The following TTN variants were observed in gnomAD, a reference collection of about 807,000 sequenced individuals.
The protein encoded by TTN is titin.
In TTN, 1,525 loss-of-function variants were observed where a neutral mutation model predicts 3,223.0. The ratio of observed to expected loss-of-function variants is 0.47; its 90% CI spans 0.45 to 0.49. TTN has a LOEUF of 0.49. Ranked by LOEUF, TTN falls within the 20% of genes least tolerant of loss-of-function variation. TTN has a pLI of 0.00. For synonymous variants in TTN, 14,094 were observed against 15,161.0 expected (o/e 0.93, Z 5.17); for missense variants, 40,786 against 43,424.0 (o/e 0.94, Z 5.40).
intron 38 of TTN, 35 bp downstream of exon 38, chr2:178,768,638 T>C (rs1408907138): frequency 1.2e-6 from 2 of 1,613,534 alleles, no homozygotes; most frequent in African/African-American, 2.7e-5. Flanking sequence ...ATGTATGACA[T>C]TTTTTCTATG....
intron 359 of TTN, among the ~76,000 whole-genome samples, chr2:178,529,495 G>T (rs1474283857): frequency 6.6e-6 from 1 of 152,192 alleles, no homozygotes; most frequent in Non-Finnish European, 1.5e-5. Flanking sequence ...GGATTTAGGA[G>T]ATAAGTGGAT....
Position 178,560,144 on chromosome 2 carries a change from G to A in TTN, c.85988C>T (p.Ser28663Leu). ...GGCAATAGTTATAGTTGTCTTGCCT[G>A]AGTCCACAATTTTGGGTTTGGATGG... ...SPPSKPKIVDSGKTTITIAWV... is the reference protein window; with the variant it reads ...SPPSKPKIVDLGKTTITIAWV... The change falls in exon 326 of 363, where the codon TCA becomes TTA. Residue 28663 changes from serine to leucine, a missense_variant. Transcript: ENST00000589042. The A allele has an allele frequency of 6.2e-7, 1 of 1,613,662 alleles. No individual in the cohort carries two copies. Among genetic ancestry groups the A allele is most frequent in the Non-Finnish European group, 8.5e-7 (1 of 1,179,700 alleles).
rs878986945 is a variant in TTN, at chr2:178,710,785, G to A, written c.28312C>T (p.Arg9438Ter). ...CTAATCTGGTACTTTCCGCCACTTC[G>A]TATTTCTCTGCTGTCTTTGGCCCAG... ...VSWAKDSREIRSGGKYQISYL... is the reference protein window; with the variant it reads ...VSWAKDSREI The change falls in exon 98 of 363, where the codon CGA becomes TGA. Residue 9438 changes from arginine to a stop codon, truncating the protein, a stop_gained. Transcript: ENST00000589042. LOFTEE classifies it high-confidence loss of function. 1.9e-6 allele frequency: 3 copies of A among 1,613,774 alleles called. No individual in the cohort carries two copies. Among genetic ancestry groups the A allele is most frequent in the East Asian group, 2.2e-5 (1 of 44,888 alleles).
rs958237286 is a variant in TTN at position 178,598,008 on chromosome 2, C to T, written c.57162G>A (p.Lys19054=). 1.2e-6 allele frequency: 2 copies of T among 1,613,278 alleles called. No homozygotes were observed. The highest frequency in any genetic ancestry group is 2.7e-5 in the African/African-American group (2 of 74,904). Residue 19054 remains lysine, a synonymous_variant, in exon 293 of 363, where the codon AAG becomes AAA. Transcript: ENST00000589042. The part of the protein sequence containing the change: ...RGTKLVVTGL[K]EGAFYKFRVR... ...CTCTAAATTTGTAGAATGCTCCTTC[C>T]TTTAATCCTGTCACAACAAGCTTTG...
chr2:178,569,090 T>G lies in TTN; in HGVS notation c.77042A>C (p.Tyr25681Ser). The G allele has an allele frequency of 1.2e-6, 2 of 1,613,448 alleles. No individual in the cohort carries two copies. Among genetic ancestry groups the G allele is most frequent in the Non-Finnish European group, 1.7e-6 (2 of 1,179,554 alleles). The part of the protein sequence containing the change: ...YYFRVTAENE[Y>S]GIGLPAQTAD... ...AGTCTGGGCAGGAAGGCCAATACCATACTCATTCTCAGCTGTGACTCTAAA... is the reference window on the plus strand; with the variant it reads ...AGTCTGGGCAGGAAGGCCAATACCAGACTCATTCTCAGCTGTGACTCTAAA... The change falls in exon 326 of 363, where the codon TAT (tyrosine) becomes TCT (serine). Residue 25681 changes from tyrosine to serine, a missense_variant. Physicochemically the swap from Tyr to Ser is moderately radical, Grantham distance 144. Transcript: ENST00000589042.
In TTN at chr2:178,617,135, C is replaced by T. The variant is rs377037421; in HGVS notation, c.47860G>A (p.Ala15954Thr). The change falls in exon 255 of 363, where the codon GCT becomes ACT. Residue 15954 changes from alanine (A) to threonine (T), a missense_variant. Ala to Thr is a moderately conservative substitution (Grantham distance 58). Coordinates refer to ENST00000589042, the MANE Select transcript of TTN (RefSeq NM_001267550.2). The part of the protein sequence containing the change: ...DPSEILGPLT[A>T]DDAFVEPTMD... ...ATCTATTTACCAAATGCATCGTCAG[C>T]GGTGAGAGGACCAAGAATTTCAGAT... 5.5e-5 allele frequency: 89 copies of T among 1,609,216 alleles called. No individual in the cohort carries two copies. Among genetic ancestry groups the T allele is most frequent in the African/African-American group, 1.5e-4 (11 of 74,710 alleles).
Position 178,598,057 on chromosome 2 carries a change from C to A in TTN, c.57113G>T (p.Gly19038Val), listed in dbSNP as rs1404640641. The change falls in exon 293 of 363, where the codon GGT becomes GTT. Residue 19038 changes from glycine (G) to valine (V), a missense_variant and splice_region_variant. By Grantham distance (109) the Gly-to-Val change is moderately radical. Coordinates refer to ENST00000589042, the MANE Select transcript of TTN (RefSeq NM_001267550.2). Reference protein sequence around the residue: ...KEEGKEEWEKGKDKEVRGTKL... With the variant: ...KEEGKEEWEKVKDKEVRGTKL... Reference sequence around the variant, plus strand: ...TGTTCCTCTCACTTCTTTATCTTTACCCTGGGGAGAAATCATAGACATTTT... The same window carrying A: ...TGTTCCTCTCACTTCTTTATCTTTAACCTGGGGAGAAATCATAGACATTTT... 8 of 1,610,806 alleles carry A rather than the reference C, an allele frequency of 5.0e-6. No individual in the cohort carries two copies. The South Asian group carries it at 8.8e-5, about 18-fold the overall frequency.
intron 81 of TTN, 75 bp downstream of exon 81, chr2:178,719,908 T>G (rs2078077574): frequency 1.9e-6 from 3 of 1,544,526 alleles, no homozygotes; most frequent in Admixed American, 4.0e-5. Flanking sequence ...AATTACTGGA[T>G]AAGAGGAATA....
At position 178,604,970 on chromosome 2, in the gene TTN, G is replaced by C. The variant is rs759925759; in HGVS notation, c.54190+17C>G. On this transcript the variant is annotated intron_variant, in intron 280 of 362. Transcript: ENST00000589042. ...GACACTGGATGCCTTTTTGATGTAA[G>C]AAAGCAAGTCACTTACCATATACTT... The C allele has an allele frequency of 1.0e-5, 16 of 1,587,756 alleles. No individual in the cohort carries two copies. The highest frequency in any genetic ancestry group is 1.4e-5 in the Non-Finnish European group (16 of 1,165,300).
At chr2:178,738,057 A>G in intron 49 of TTN, 25 bp downstream of exon 49, 1 of 1,603,296 alleles carries the variant, frequency 6.2e-7, no homozygotes, top group Non-Finnish European at 8.5e-7. Context: ...AAGTGACAAC[A>G]TCTGTGCCAA....
rs1690123204 is a variant in TTN, at chr2:178,533,595, A to T, written c.103020T>A (p.Gly34340=). ...EYTVVARNKY[G]EDSCKAKLTV... ...TCAGCTTTGCTTTACAGCTGTCTTC[A>T]CCATATTTGTTCCTTGCCACAACAG... Residue 34340 remains glycine (G), a synonymous_variant, in exon 358 of 363, where the codon GGT becomes GGA. Coordinates refer to ENST00000589042, the MANE Select transcript of TTN (RefSeq NM_001267550.2). 1 of 1,613,948 alleles carries T rather than the reference A, an allele frequency of 6.2e-7. No homozygotes were observed. The highest frequency in any genetic ancestry group is 8.5e-7 in the Non-Finnish European group (1 of 1,179,868).
At chr2:178,804,955 G>T (rs972061728) in intron 1 of TTN, among the ~76,000 whole-genome samples, 2 of 152,200 alleles carry the variant, frequency 1.3e-5, no homozygotes, top group African/African-American at 4.8e-5. Flanking sequence ...TCTTACCAAT[G>T]GTGGAAAACC....
Position 178,579,599 on chromosome 2 carries a change from G to A in TTN, c.67598C>T (p.Thr22533Ile), listed in dbSNP as rs2047233269. ...VSAENENGEGTPSEITVVARD... is the reference protein window; with the variant it reads ...VSAENENGEGIPSEITVVARD... Reference sequence around the variant, plus strand: ...TGCCACAACAGTGATTTCGCTTGGGGTTCCTTCTCCATTTTCATTCTCAGC... The same window carrying A: ...TGCCACAACAGTGATTTCGCTTGGGATTCCTTCTCCATTTTCATTCTCAGC... Residue 22533 changes from threonine (T) to isoleucine (I), a missense_variant, in exon 319 of 363, where the codon ACC becomes ATC. Transcript: ENST00000589042. 6.2e-7 allele frequency: 1 copy of A among 1,613,216 alleles called. No individual in the cohort carries two copies. Among genetic ancestry groups the A allele is most frequent in the African/African-American group, 1.3e-5 (1 of 74,964 alleles).
chr2:178,722,408 C>A lies in TTN; in HGVS notation c.22379G>T (p.Arg7460Ile). ...TGAAGTCTGTAGATTTTCATCGTCT[C>A]TTAAAAGTACTCCATCTCTATACCA... The part of the protein sequence containing the change: ...VCWYRDGVLL[R>I]DDENLQTSFV... The change falls in exon 77 of 363, where the codon AGA becomes ATA. Residue 7460 changes from arginine to isoleucine, a missense_variant. By Grantham distance (97) the Arg-to-Ile change is moderately conservative (BLOSUM62 -3). Coordinates refer to ENST00000589042, the MANE Select transcript of TTN (RefSeq NM_001267550.2). 1 of 1,613,426 alleles carries A rather than the reference C, an allele frequency of 6.2e-7. No individual in the cohort carries two copies. Among genetic ancestry groups the A allele is most frequent in the South Asian group, 1.1e-5 (1 of 91,060 alleles).
rs1476638361 is a variant in TTN, at chr2:178,719,747, T to C, written c.23745A>G (p.Thr7915=). The stretch of plus-strand genomic sequence containing the variant: ...TGAACCACTTGGCTGAGAGTTCTGG[T>C]GTTCCAGTCACTACACACTCTAATG... The part of the protein sequence containing the change: ...PFALECVVTG[T]PELSAKWFKD... Residue 7915 remains threonine, a synonymous_variant, in exon 82 of 363, where the codon ACA becomes ACG. Coordinates refer to ENST00000589042, the MANE Select transcript of TTN (RefSeq NM_001267550.2). 1 of 1,613,716 alleles carries C rather than the reference T, an allele frequency of 6.2e-7. No individual in the cohort carries two copies. The highest frequency in any genetic ancestry group is 2.2e-5 in the East Asian group (1 of 44,846).
At chr2:178,694,949 A>G (rs1462512621) in intron 115 of TTN, 43 bp from the exon 116 acceptor site, 3 of 1,396,478 alleles carry the variant, frequency 2.1e-6, no homozygotes, top group South Asian at 1.3e-5. Context: ...TAGAATTCCT[A>G]TTAAAATTCT....
rs1699307394 is a variant in TTN at position 178,551,259 on chromosome 2, G to T, written c.91272C>A (p.Asp30424Glu). 3 of 1,605,682 alleles carry T rather than the reference G, an allele frequency of 1.9e-6. No homozygotes were observed. Among genetic ancestry groups the T allele is most frequent in the East Asian group, 2.2e-5 (1 of 44,662 alleles). Reference protein sequence around the residue: ...SKFTLAVSPVDPPGTPDYIDV... With the variant: ...SKFTLAVSPVEPPGTPDYIDV... ...CAATGTAGTCAGGAGTGCCAGGTGG[G>T]TCTAAAAAATTATAAGGAAGGTAAA... is the stretch of plus-strand genomic sequence containing the variant. The change falls in exon 336 of 363, where the codon GAC becomes GAA. Residue 30424 changes from aspartate (D) to glutamate (E), a missense_variant and splice_region_variant. Coordinates refer to ENST00000589042, the MANE Select transcript of TTN (RefSeq NM_001267550.2).
At chr2:178,579,883 A>G (rs780629341) in intron 318 of TTN, 35 bp from the exon 319 acceptor site, 4 of 1,612,220 alleles carry the variant, frequency 2.5e-6, no homozygotes, top group Non-Finnish European at 3.4e-6. Flanking sequence ...TGTAAGCCCC[A>G]TATAACAAAG....
At chr2:178,745,224 T>C (rs1246916674) in intron 47 of TTN, 1 of 1,070,080 alleles carries the variant, frequency 9.3e-7, no homozygotes, top group Non-Finnish European at 1.1e-6. Context: ...TTTTACATTG[T>C]ACTTTTGCAT....
Sources: gnomAD v4.1 joint callset for allele counts (sites outside exome capture counted in the v4.1 genomes callset) on GRCh38, gnomAD v4.1.1 for gene constraint, MANE v1.5 for transcripts, NCBI Gene and HGNC (gene_info 2026-07-23, HGNC 2026-07-21) for gene names.